The following NEGR1 variants were observed in gnomAD, a reference collection of about 807,000 sequenced individuals.
NEGR1 encodes neuronal growth regulator 1.
Under a neutral mutation model 40.9 loss-of-function variants are expected in NEGR1, and 10 were observed. The observed-to-expected ratio is 0.24, with a 90% CI of 0.15 to 0.42. NEGR1 has a LOEUF of 0.42. NEGR1 is among the 10% of genes least tolerant of loss of function. NEGR1 has a pLI of 1.00. For missense variants in NEGR1, 352 were observed against 438.9 expected (o/e 0.80, Z 1.77); for synonymous variants, 185 against 166.8 (o/e 1.11, Z -0.84).
chr1:71,526,851 C>T (rs1277350061), intron 6 of NEGR1, among the ~76,000 whole-genome samples: 7 of 151,554 alleles, frequency 4.6e-5, no homozygotes, highest in Non-Finnish European at 7.4e-5. Context: ...ACACAAGACC[C>T]TTCAGTGATC....
intron 6 of NEGR1, among the ~76,000 whole-genome samples, chr1:71,492,481 GT>G (rs1646936446): frequency 2.7e-5 from 1 of 37,524 alleles, no homozygotes; most frequent in African/African-American, 3.5e-5. Context: ...ATCTTCAAGT[GT>G]TTATTAATTC....
chr1:72,102,925 C>A (rs930313018), intron 1 of NEGR1, among the ~76,000 whole-genome samples: 1 of 151,872 alleles, frequency 6.6e-6, no homozygotes, highest in African/African-American at 2.4e-5. Flanking sequence ...GCTAGGTTAG[C>A]GGAATGGCAA....
intron 3 of NEGR1, among the ~76,000 whole-genome samples, chr1:71,742,803 T>C (rs1655256902): frequency 6.6e-6 from 1 of 152,128 alleles, no homozygotes; most frequent in African/African-American, 2.4e-5. Context: ...GTTATTGGGA[T>C]TAAATGAATG....
At chr1:71,527,233 C>G (rs931833424) in intron 6 of NEGR1, among the ~76,000 whole-genome samples, 1 of 151,518 alleles carries the variant, frequency 6.6e-6, no homozygotes, top group Non-Finnish European at 1.5e-5. Context: ...GGTTCAGTGT[C>G]TCACACATTC....
At chr1:71,719,711 T>G (rs1346330840) in intron 3 of NEGR1, among the ~76,000 whole-genome samples, 1 of 152,094 alleles carries the variant, frequency 6.6e-6, no homozygotes, top group Non-Finnish European at 1.5e-5. Flanking sequence ...TGTGCCATGT[T>G]GGTTTGCTAC....
intron 1 of NEGR1, among the ~76,000 whole-genome samples, chr1:71,964,802 T>C (rs1242076920): frequency 6.7e-6 from 1 of 149,096 alleles, no homozygotes; most frequent in African/African-American, 2.5e-5. Flanking sequence ...CATCTGCTGA[T>C]TGTATTTATA....
intron 2 of NEGR1, among the ~76,000 whole-genome samples, chr1:71,804,988 T>A (rs1657701759): frequency 6.6e-6 from 1 of 152,124 alleles, no homozygotes; most frequent in Non-Finnish European, 1.5e-5. Flanking sequence ...GGAGAATGCA[T>A]CCCTGAGGGT....
chr1:71,924,254 T>C (rs1645750379), intron 2 of NEGR1, among the ~76,000 whole-genome samples: 3 of 152,204 alleles, frequency 2.0e-5, no homozygotes, highest in Admixed American at 2.0e-4. Context: ...TGGGAGACTG[T>C]ATCATTCGGT....
intron 6 of NEGR1, chr1:71,422,402 G>C (rs181246116): frequency 3.9e-5 from 6 of 152,292 alleles, no homozygotes; most frequent in Admixed American, 3.9e-4. Context: ...TCAAAGAAAT[G>C]CACAAATTGA....
At chr1:71,596,064 A>ATG (rs1557580950) in intron 5 of NEGR1, among the ~76,000 whole-genome samples, 1 of 147,444 alleles carries the variant, frequency 6.8e-6, no homozygotes, top group Non-Finnish European at 1.5e-5. Flanking sequence ...AAAAAAAAAA[A>ATG]GAGAAACAAA....
At position 71,991,295 on chromosome 1, in the gene NEGR1, T is replaced by A. The variant is rs187069230; in HGVS notation, c.177-55984A>T. On this transcript the variant is annotated intron_variant, in intron 1 of 6. Transcript: ENST00000357731. ...AATCTTCTTAATACTATGTAATAGA[T>A]GTCATATTTTTAAAATCACATATTT... 4.4e-4 allele frequency among the ~76,000 whole-genome samples: 67 copies of A among 152,276 alleles called. No homozygotes were observed. In the East Asian group the frequency reaches 0.013, roughly 29 times the overall value.
chr1:72,132,588 T>C (rs1650299523), intron 1 of NEGR1, among the ~76,000 whole-genome samples: 1 of 152,196 alleles, frequency 6.6e-6, no homozygotes. Flanking sequence ...ATAAATATGA[T>C]ACTGCTATTT....
At chr1:71,954,882 C>T (rs535069485) in intron 1 of NEGR1, among the ~76,000 whole-genome samples, 3 of 152,008 alleles carry the variant, frequency 2.0e-5, no homozygotes, top group South Asian at 4.1e-4. Flanking sequence ...TCATTGCCAT[C>T]ATTTATTTTA....
chr1:71,807,205 T>A (rs915793932), intron 2 of NEGR1, among the ~76,000 whole-genome samples: 5 of 152,136 alleles, frequency 3.3e-5, no homozygotes, highest in African/African-American at 1.2e-4. Context: ...CATGTCGATC[T>A]ATTTTTAAAA....
At chr1:72,070,583 A>G (rs1557511529) in intron 1 of NEGR1, among the ~76,000 whole-genome samples, 1 of 152,056 alleles carries the variant, frequency 6.6e-6, no homozygotes, top group Admixed American at 6.6e-5. Flanking sequence ...TCTTTTTGAT[A>G]AAAACAGTAA....
intron 3 of NEGR1, among the ~76,000 whole-genome samples, chr1:71,751,822 TC>T (rs1179907783): frequency 1.3e-5 from 2 of 152,130 alleles, no homozygotes; most frequent in Admixed American, 6.5e-5. Flanking sequence ...AAAAATGCAG[TC>T]AAGGATATAC....
chr1:72,028,536 A>G (rs1398286951), intron 1 of NEGR1, among the ~76,000 whole-genome samples: 1 of 152,032 alleles, frequency 6.6e-6, no homozygotes, highest in Non-Finnish European at 1.5e-5. Context: ...ACCCCTACCT[A>G]CCTCTGCTCA....
intron 1 of NEGR1, among the ~76,000 whole-genome samples, chr1:71,988,216 A>G (rs1313200415): frequency 6.6e-6 from 1 of 152,176 alleles, no homozygotes; most frequent in Non-Finnish European, 1.5e-5. Flanking sequence ...TCATGCCAAG[A>G]ACAGAGGCCA....
At chr1:71,549,631 G>A (rs1648010761) in intron 6 of NEGR1, among the ~76,000 whole-genome samples, 1 of 151,672 alleles carries the variant, frequency 6.6e-6, no homozygotes, top group Admixed American at 6.6e-5. Flanking sequence ...TACCTGAGAA[G>A]TAGTGAAACT....
Sources: allele counts gnomAD v4.1 joint callset (sites outside exome capture counted in the v4.1 genomes callset), GRCh38; gene constraint gnomAD v4.1.1; transcripts MANE v1.5; gene names NCBI Gene and HGNC (gene_info 2026-07-23, HGNC 2026-07-21).